The following CAMK1D variants were observed in gnomAD, a reference collection of about 807,000 sequenced individuals.
CAMK1D encodes calcium/calmodulin dependent protein kinase ID, also known as calcium/calmodulin-dependent protein kinase type 1D.
In CAMK1D, 9 loss-of-function variants were observed where a neutral mutation model predicts 47.7. The ratio of observed to expected loss-of-function variants is 0.19; its 90% CI spans 0.11 to 0.33. The LOEUF (loss-of-function observed/expected upper bound fraction) is 0.33, where lower values mean the gene tolerates loss of function less well. CAMK1D is among the 10% of genes least tolerant of loss of function. The pLI is 1.00. For synonymous variants in CAMK1D, 184 were observed against 184.9 expected, an observed-to-expected ratio of 0.99 and a Z score of 0.04; for missense variants, 291 against 488.7, an observed-to-expected ratio of 0.60 and a Z score of 3.81.
At chr10:12,568,602 A>G (rs1218789823) in intron 2 of CAMK1D, among the ~76,000 whole-genome samples, 2 of 125,664 alleles carry the variant, frequency 1.6e-5, no homozygotes, top group East Asian at 4.5e-4. Flanking sequence ...TTTCTTTTTC[A>G]GTATTCTTTC....
intron 2 of CAMK1D, among the ~76,000 whole-genome samples, chr10:12,607,472 A>G (rs1228653140): frequency 6.6e-6 from 1 of 152,200 alleles, no homozygotes; most frequent in African/African-American, 2.4e-5. Context: ...TCATTTTCCA[A>G]TAACATCTTC....
At chr10:12,712,721 C>CT (rs1833983629) in intron 3 of CAMK1D, among the ~76,000 whole-genome samples, 1 of 152,080 alleles carries the variant, frequency 6.6e-6, no homozygotes, top group African/African-American at 2.4e-5. Flanking sequence ...GTTAGGGTTT[C>CT]GTGTGTATTT....
chr10:12,626,454 A>G (rs1839216413), intron 2 of CAMK1D, among the ~76,000 whole-genome samples: 1 of 148,838 alleles, frequency 6.7e-6, no homozygotes, highest in Non-Finnish European at 1.5e-5. Context: ...TTCTTCTAGT[A>G]TTCACCAATT....
chr10:12,811,752 A>G (rs1427632501), intron 6 of CAMK1D, among the ~76,000 whole-genome samples: 1 of 152,246 alleles, frequency 6.6e-6, no homozygotes, highest in Non-Finnish European at 1.5e-5. Context: ...AAAACCTCAC[A>G]TATCTAGAAT....
intron 1 of CAMK1D, among the ~76,000 whole-genome samples, chr10:12,407,891 T>C (rs530928636): frequency 4.4e-4 from 61 of 138,458 alleles, no homozygotes; most frequent in Non-Finnish European, 7.7e-4. Flanking sequence ...AGACTCTCAC[T>C]CTGTCACCCA....
chr10:12,416,978 G>A (rs1343245439), intron 1 of CAMK1D, among the ~76,000 whole-genome samples: 1 of 152,064 alleles, frequency 6.6e-6, no homozygotes, highest in Non-Finnish European at 1.5e-5. Context: ...TTGTCACTGG[G>A]GGCCCGGGGT....
At chr10:12,815,205 C>G (rs1328273289) in intron 7 of CAMK1D, among the ~76,000 whole-genome samples, 1 of 152,160 alleles carries the variant, frequency 6.6e-6, no homozygotes, top group Non-Finnish European at 1.5e-5. Context: ...CTGTTCCTTC[C>G]TCAGGGAAAA....
intron 7 of CAMK1D, among the ~76,000 whole-genome samples, chr10:12,815,511 G>A (rs1254635898): frequency 6.6e-6 from 1 of 152,256 alleles, no homozygotes; most frequent in Non-Finnish European, 1.5e-5. Context: ...CACATGGGAA[G>A]TATTTTCCTT....
intron 1 of CAMK1D, among the ~76,000 whole-genome samples, chr10:12,496,890 C>G (rs557297773): frequency 6.6e-6 from 1 of 152,160 alleles, no homozygotes; most frequent in Non-Finnish European, 1.5e-5. Flanking sequence ...TCCTTCCCCC[C>G]ACAGCCACCT....
At chr10:12,354,653 G>A (rs1388995942) in intron 1 of CAMK1D, among the ~76,000 whole-genome samples, 2 of 151,646 alleles carry the variant, frequency 1.3e-5, no homozygotes, top group African/African-American at 2.4e-5. Flanking sequence ...CTCGTGATCC[G>A]CCTGCCTCGG....
At chr10:12,602,974 G>A (rs1215353447) in intron 2 of CAMK1D, among the ~76,000 whole-genome samples, 3 of 149,766 alleles carry the variant, frequency 2.0e-5, no homozygotes, top group African/African-American at 4.9e-5. Flanking sequence ...ATAGTGGTGC[G>A]ATCTTGGCTC....
intron 1 of CAMK1D, among the ~76,000 whole-genome samples, chr10:12,470,668 C>T (rs1833719120): frequency 6.6e-6 from 1 of 152,148 alleles, no homozygotes. Context: ...TGGTGCCTGC[C>T]ACAACACCCG....
chr10:12,419,548 T>C (rs903808929), intron 1 of CAMK1D, among the ~76,000 whole-genome samples: 1 of 151,930 alleles, frequency 6.6e-6, no homozygotes, highest in Non-Finnish European at 1.5e-5. Flanking sequence ...GTTTTCTTAG[T>C]GCATAAAATT....
chr10:12,635,175 G>A (rs1000567726), intron 2 of CAMK1D, among the ~76,000 whole-genome samples: 5 of 152,030 alleles, frequency 3.3e-5, no homozygotes, highest in Admixed American at 6.6e-5. Context: ...TTGGGGGCTC[G>A]GGAGGCCTTC....
At chr10:12,607,885 T>G (rs1031747700) in intron 2 of CAMK1D, among the ~76,000 whole-genome samples, 2 of 152,054 alleles carry the variant, frequency 1.3e-5, no homozygotes, top group African/African-American at 4.8e-5. Context: ...CACTTGAGCC[T>G]GGGAGGGGGA....
chr10:12,596,520 A>G (rs1397873474), intron 2 of CAMK1D, among the ~76,000 whole-genome samples: 2 of 152,184 alleles, frequency 1.3e-5, no homozygotes, highest in Non-Finnish European at 2.9e-5. Context: ...ATCTCAGCCT[A>G]GTGGCCTCCC....
intron 2 of CAMK1D, among the ~76,000 whole-genome samples, chr10:12,643,165 C>A (rs1022826415): frequency 2.0e-5 from 3 of 152,164 alleles, no homozygotes; most frequent in African/African-American, 7.2e-5. Flanking sequence ...CCACACCTGG[C>A]TAATTTTTTG....
At position 12,643,820 on chromosome 10, in the gene CAMK1D, G is replaced by A. The variant is rs150597804; in HGVS notation, c.225-22916G>A. Among the ~76,000 whole-genome samples the A allele has an allele frequency of 2.4e-3, 364 of 151,424 alleles. 1 individual carries two copies. Among genetic ancestry groups the A allele is most frequent in the African/African-American group, 8.4e-3 (347 of 41,154 alleles). ...AATTGCTTGAACCTGGGGGGCGGAG[G>A]TTGCAGTGAGCTGAGATCATGCTAC... On this transcript the variant is annotated intron_variant, in intron 2 of 10. Coordinates refer to ENST00000619168, the MANE Select transcript of CAMK1D (RefSeq NM_153498.4).
At position 12,832,432 on chromosome 10, in the gene CAMK1D, A is replaced by C. The variant is rs1833434203; in HGVS notation, c.*3545A>C. The C allele has an allele frequency of 6.6e-6, 1 of 152,188 alleles. No homozygotes were observed. Among genetic ancestry groups the C allele is most frequent in the Non-Finnish European group, 1.5e-5 (1 of 68,080 alleles). The allele number at this position is 152,188 out of a possible 1,614,324, so 9.4% of individuals were successfully genotyped here. The stretch of plus-strand genomic sequence containing the variant: ...CTAGGAGAAGCTCAATGACCACCAA[A>C]GCCCTTGAGGAGAGACGGGGTTTGC... On this transcript the variant is annotated 3_prime_UTR_variant, in exon 11 of 11. Coordinates refer to ENST00000619168, the MANE Select transcript of CAMK1D (RefSeq NM_153498.4).
Sources: gnomAD v4.1 joint callset for allele counts (sites outside exome capture counted in the v4.1 genomes callset) on GRCh38, gnomAD v4.1.1 for gene constraint, MANE v1.5 for transcripts, NCBI Gene and HGNC (gene_info 2026-07-23, HGNC 2026-07-21) for gene names.